Variants in MCM9 observed in about 807,000 individuals in gnomAD.
MCM9 encodes minichromosome maintenance 9 homologous recombination repair factor, also known as DNA helicase MCM9.
In MCM9, 55 loss-of-function variants were observed where a neutral mutation model predicts 72.8. The ratio of observed to expected loss-of-function variants is 0.76; its 90% CI spans 0.61 to 0.95. The LOEUF (loss-of-function observed/expected upper bound fraction) is 0.95. Among genes scored for constraint, MCM9 ranks in the 40% least tolerant of loss-of-function variants. The probability of loss-of-function intolerance (pLI) is 0.00; values close to 1 mark genes in which losing one functional copy is unlikely to be tolerated. For missense variants in MCM9, 1,279 were observed against 1,377.0 expected, an observed-to-expected ratio of 0.93 and a Z score of 1.13; for synonymous variants, 480 against 503.4, an observed-to-expected ratio of 0.95 and a Z score of 0.62.
At chr6:118,921,507 A>C (rs1259425123) in intron 5 of MCM9, 1 of 152,354 alleles carries the variant, frequency 6.6e-6, no homozygotes, top group African/African-American at 2.4e-5. Context: ...ACAGCAGACT[A>C]CAATCAGTGA....
chr6:118,882,182 T>C (rs1374694533), intron 8 of MCM9, among the ~76,000 whole-genome samples: 3 of 152,096 alleles, frequency 2.0e-5, no homozygotes, highest in Non-Finnish European at 4.4e-5. Flanking sequence ...AAGGTAAAGG[T>C]TCCACCTGGA....
At chr6:118,893,859 A>C (rs1363137065) in intron 8 of MCM9, among the ~76,000 whole-genome samples, 2 of 149,804 alleles carry the variant, frequency 1.3e-5, no homozygotes, top group East Asian at 3.9e-4. Context: ...AAAAAAAACA[A>C]AAAAACGCCA....
intron 6 of MCM9, 74 bp downstream of exon 6, chr6:118,917,487 A>T (rs887145186): frequency 1.4e-6 from 2 of 1,425,016 alleles, no homozygotes; most frequent in Non-Finnish European, 2.0e-6. Flanking sequence ...AAGACTGTCA[A>T]ATCACAGACA....
At chr6:118,850,955 AC>A (rs1466182346) in intron 9 of MCM9, among the ~76,000 whole-genome samples, 49 of 151,798 alleles carry the variant, frequency 3.2e-4, no homozygotes, top group Admixed American at 2.8e-3. Context: ...AGTAGCTGGG[AC>A]TACAGGCGCA....
chr6:118,903,829 C>T (rs1779981152), intron 8 of MCM9, among the ~76,000 whole-genome samples: 1 of 152,120 alleles, frequency 6.6e-6, no homozygotes, highest in Non-Finnish European at 1.5e-5. Context: ...TCAAGTGATC[C>T]ACCCACCTTA....
chr6:118,903,367 GATC>G (rs900379641), intron 8 of MCM9, among the ~76,000 whole-genome samples: 10 of 152,102 alleles, frequency 6.6e-5, no homozygotes, highest in African/African-American at 2.4e-4. Context: ...CTTGCCAAGA[GATC>G]ATAAACCCCT....
chr6:118,916,937 G>T (rs1165188861), intron 6 of MCM9, among the ~76,000 whole-genome samples: 1 of 152,202 alleles, frequency 6.6e-6, no homozygotes, highest in African/African-American at 2.4e-5. Context: ...TTTCTCAAAA[G>T]ATGTCTCCAT....
chr6:118,895,015 C>A (rs1363692619), intron 8 of MCM9, among the ~76,000 whole-genome samples: 3 of 152,170 alleles, frequency 2.0e-5, no homozygotes, highest in Non-Finnish European at 4.4e-5. Flanking sequence ...TCTTGCCCCG[C>A]CGCCCGCCTG....
intron 3 of MCM9, among the ~76,000 whole-genome samples, chr6:118,930,167 A>G (rs567531214): frequency 9.7e-4 from 147 of 151,884 alleles, no homozygotes; most frequent in Admixed American, 2.3e-3. Context: ...CTGGAGTGCA[A>G]TGGCGCGATC....
intron 8 of MCM9, among the ~76,000 whole-genome samples, chr6:118,904,920 TTCCACC>T (rs1432453021): frequency 6.6e-6 from 1 of 152,154 alleles, no homozygotes; most frequent in African/African-American, 2.4e-5. Context: ...TCACTGCAAC[TTCCACC>T]TCCTCGGTTC....
intron 9 of MCM9, among the ~76,000 whole-genome samples, chr6:118,849,355 G>A (rs1055221618): frequency 1.3e-5 from 2 of 151,592 alleles, no homozygotes; most frequent in Non-Finnish European, 2.9e-5. Flanking sequence ...ACCACTCTTG[G>A]TCTAAAATGC....
chr6:118,876,449 C>G (rs1049445930), intron 8 of MCM9, among the ~76,000 whole-genome samples: 2 of 152,122 alleles, frequency 1.3e-5, no homozygotes, highest in Admixed American at 1.3e-4. Flanking sequence ...CTGAAACTAG[C>G]TGACACTAGA....
chr6:118,854,542 G>A (rs1776436593), intron 9 of MCM9, among the ~76,000 whole-genome samples: 1 of 152,132 alleles, frequency 6.6e-6, no homozygotes, highest in African/African-American at 2.4e-5. Flanking sequence ...TAGTAGAGAG[G>A]GGGTTTCACC....
intron 9 of MCM9, among the ~76,000 whole-genome samples, chr6:118,836,717 CTATGTGATTCTT>C (rs1774984119): frequency 6.6e-6 from 1 of 152,048 alleles, no homozygotes; most frequent in Non-Finnish European, 1.5e-5. Context: ...TTTATTGTGT[CTATGTGATTCTT>C]CTCTCTTTTC....
chr6:118,886,469 C>G (rs1033576207), intron 8 of MCM9, among the ~76,000 whole-genome samples: 3 of 151,776 alleles, frequency 2.0e-5, no homozygotes, highest in Admixed American at 2.0e-4. Context: ...CCTAAGAAAT[C>G]CACTAGAAAT....
intron 12 of MCM9, among the ~76,000 whole-genome samples, chr6:118,826,503 T>G (rs895241380): frequency 6.6e-6 from 1 of 152,138 alleles, no homozygotes; most frequent in East Asian, 1.9e-4. Context: ...ATACTGTCAC[T>G]GGTGGGCTAT....
chr6:118,843,708 GTATATATATA>G (rs1562407294), intron 9 of MCM9, among the ~76,000 whole-genome samples: 14 of 59,140 alleles, frequency 2.4e-4, no homozygotes, highest in East Asian at 1.7e-3. Flanking sequence ...ATATATGTAT[GTATATATATA>G]TGTATATATA....
intron 8 of MCM9, among the ~76,000 whole-genome samples, chr6:118,860,590 T>C (rs1776838390): frequency 6.6e-6 from 1 of 151,944 alleles, no homozygotes; most frequent in Admixed American, 6.6e-5. Context: ...GACAATAAAT[T>C]AGAAATCCAG....
chr6:118,837,011 G>A (rs1256510407), intron 9 of MCM9, among the ~76,000 whole-genome samples: 1 of 152,164 alleles, frequency 6.6e-6, no homozygotes, highest in African/African-American at 2.4e-5. Context: ...TGGGCATTTA[G>A]TGCTATAAAT....
Sources: gnomAD v4.1 joint callset for allele counts (sites outside exome capture counted in the v4.1 genomes callset) on GRCh38, gnomAD v4.1.1 for gene constraint, MANE v1.5 for transcripts, NCBI Gene and HGNC (gene_info 2026-07-23, HGNC 2026-07-21) for gene names.